The following TMPRSS7 variants were observed in gnomAD, a reference collection of about 807,000 sequenced individuals.
The protein encoded by TMPRSS7 is transmembrane protease serine 7.
A neutral mutation model predicts 95.6 loss-of-function variants in TMPRSS7; 81 were observed. That is an observed-to-expected ratio of 0.85 (90% confidence interval 0.71 to 1.02). The LOEUF is 1.02. TMPRSS7 is among the 50% of genes least tolerant of loss of function. The pLI, the probability that TMPRSS7 is intolerant of heterozygous loss-of-function variation, is 0.00. For missense variants in TMPRSS7, 945 were observed against 955.2 expected (o/e 0.99, Z 0.14); for synonymous variants, 364 against 337.8 (o/e 1.08, Z -0.85).
chr3:112,038,161 A>C (rs2073168200), exon 2 of TMPRSS7: 1 of 702,966 alleles, frequency 1.4e-6, no homozygotes, highest in Non-Finnish European at 2.6e-6. Flanking sequence ...TACCATTGCC[A>C]GGAAGACGAC....
At chr3:112,070,061 A>G (rs1392719936) in intron 13 of TMPRSS7, among the ~76,000 whole-genome samples, 1 of 152,148 alleles carries the variant, frequency 6.6e-6, no homozygotes, top group Non-Finnish European at 1.5e-5. Flanking sequence ...GAACATCTTT[A>G]TTTCTGCCTT....
intron 13 of TMPRSS7, among the ~76,000 whole-genome samples, chr3:112,069,672 C>A (rs950346987): frequency 4.0e-5 from 6 of 151,660 alleles, no homozygotes; most frequent in Non-Finnish European, 8.8e-5. Flanking sequence ...GTGGTGATAT[C>A]CCCTTTATCA....
intron 13 of TMPRSS7, among the ~76,000 whole-genome samples, chr3:112,068,090 T>C (rs537973010): frequency 6.4e-4 from 97 of 152,176 alleles, no homozygotes; most frequent in Non-Finnish European, 1.1e-3. Context: ...GAATCCTTTC[T>C]CCATTTCTTG....
intron 13 of TMPRSS7, among the ~76,000 whole-genome samples, chr3:112,068,424 A>G (rs2073602436): frequency 6.6e-6 from 1 of 152,192 alleles, no homozygotes; most frequent in Non-Finnish European, 1.5e-5. Flanking sequence ...CAGTATGGCC[A>G]TTTTCATGAT....
chr3:112,064,136 G>A (rs933503902), intron 12 of TMPRSS7, among the ~76,000 whole-genome samples: 2 of 152,162 alleles, frequency 1.3e-5, no homozygotes, highest in African/African-American at 4.8e-5. Flanking sequence ...TAACACTGGG[G>A]TGCATAATAC....
At chr3:112,068,064 C>G (rs368571023) in intron 13 of TMPRSS7, among the ~76,000 whole-genome samples, 1 of 152,178 alleles carries the variant, frequency 6.6e-6, no homozygotes, top group South Asian at 2.1e-4. Context: ...TTTTCCAGCA[C>G]CATTTATTAA....
chr3:112,071,433 C>T (rs1047276207), intron 13 of TMPRSS7, among the ~76,000 whole-genome samples: 1 of 152,092 alleles, frequency 6.6e-6, no homozygotes, highest in African/African-American at 2.4e-5. Flanking sequence ...CTTGGGGTTG[C>T]TCTTTTCAAG....
At chr3:112,064,332 G>A (rs1258164593) in intron 12 of TMPRSS7, among the ~76,000 whole-genome samples, 3 of 135,706 alleles carry the variant, frequency 2.2e-5, no homozygotes, top group Non-Finnish European at 4.7e-5. Flanking sequence ...AAAGAGAACG[G>A]GTTTTGTGTG....
At chr3:112,068,108 C>T (rs1425336279) in intron 13 of TMPRSS7, among the ~76,000 whole-genome samples, 1 of 152,166 alleles carries the variant, frequency 6.6e-6, no homozygotes, top group African/African-American at 2.4e-5. Flanking sequence ...TTGTTTTTGT[C>T]AGGTTTGTCA....
At chr3:112,080,849 A>C in intron 17 of TMPRSS7, 65 bp from the exon 18 acceptor site, 1 of 1,500,742 alleles carries the variant, frequency 6.7e-7, no homozygotes, top group South Asian at 1.3e-5. Context: ...CATTAGATAC[A>C]ATAAAGATGA....
chr3:112,051,555 CTATCT>C (rs1358471848), intron 9 of TMPRSS7, among the ~76,000 whole-genome samples: 1 of 143,044 alleles, frequency 7.0e-6, no homozygotes, highest in African/African-American at 2.7e-5. Flanking sequence ...ATCTATCTAT[CTATCT>C]ATCTATGTAT....
In TMPRSS7 at chr3:112,034,905, G is replaced by A. The variant is rs1236897717; in HGVS notation, c.48+12G>A. On this transcript the variant is annotated intron_variant, in intron 1 of 17. Coordinates refer to ENST00000452346, the Ensembl canonical transcript of TMPRSS7. ...CTGCTGACCTGAAAGTAAGTACAGGGTGAGAAACTTTCTCTTACTTGAATG... is the reference window on the plus strand; with the variant it reads ...CTGCTGACCTGAAAGTAAGTACAGGATGAGAAACTTTCTCTTACTTGAATG... 4.3e-6 allele frequency: 3 copies of A among 702,860 alleles called. No individual in the cohort carries two copies. The East Asian group carries it at 8.0e-5, about 19-fold the overall frequency. 43.5% of individuals were successfully genotyped at this position (702,860 alleles called of 1,614,324 possible). A position where few individuals can be genotyped will look rare whatever the true frequency, so the allele number is the denominator to read the frequency against.
At chr3:112,055,457 A>G (rs2073421430) in intron 9 of TMPRSS7, among the ~76,000 whole-genome samples, 1 of 151,678 alleles carries the variant, frequency 6.6e-6, no homozygotes, top group African/African-American at 2.4e-5. Context: ...TTGCGCAGAC[A>G]CACACACAGA....
intron 11 of TMPRSS7, among the ~76,000 whole-genome samples, chr3:112,062,202 A>G (rs2073517469): frequency 6.6e-6 from 1 of 152,180 alleles, no homozygotes; most frequent in Admixed American, 6.5e-5. Flanking sequence ...TTCTTACACT[A>G]TTCCTTAAAG....
At chr3:112,042,085 G>C (rs1274496723) in intron 3 of TMPRSS7, 35 bp downstream of exon 3, 20 of 1,533,168 alleles carry the variant, frequency 1.3e-5, no homozygotes, top group Non-Finnish European at 1.8e-5. Flanking sequence ...TTAGGGTAGA[G>C]TGGGTTTGCG....
At chr3:112,080,699 G>A (rs1006774172) in intron 17 of TMPRSS7, among the ~76,000 whole-genome samples, 32 of 152,190 alleles carry the variant, frequency 2.1e-4, no homozygotes, top group Middle Eastern at 3.4e-3. Context: ...ATCATGTTTC[G>A]TCTAATGAAT....
chr3:112,044,069 A>G (rs1426499018), intron 3 of TMPRSS7, among the ~76,000 whole-genome samples, 186 bp from the exon 4 acceptor site: 1 of 152,226 alleles, frequency 6.6e-6, no homozygotes, highest in African/African-American at 2.4e-5. Flanking sequence ...TAAGTCACTC[A>G]AGATTGTTGC....
intron 10 of TMPRSS7, among the ~76,000 whole-genome samples, chr3:112,057,715 T>A (rs2073449112): frequency 6.6e-6 from 1 of 152,142 alleles, no homozygotes; most frequent in Middle Eastern, 3.2e-3. Context: ...GTTTTGTTTT[T>A]TGTTTTGGTT....
At chr3:112,047,668 A>G (rs968069226) in intron 6 of TMPRSS7, 71 bp from the exon 7 acceptor site, 10 of 1,221,010 alleles carry the variant, frequency 8.2e-6, no homozygotes, top group African/African-American at 1.5e-5. Context: ...CTTTTCTATA[A>G]AGATTTCTGT....
Sources: allele counts gnomAD v4.1 joint callset (sites outside exome capture counted in the v4.1 genomes callset), GRCh38; gene constraint gnomAD v4.1.1; transcripts MANE v1.5; gene names NCBI Gene and HGNC (gene_info 2026-07-23, HGNC 2026-07-21).